The following NLRP9 variants were observed in gnomAD, a reference collection of about 807,000 sequenced individuals.
NLRP9 encodes the protein NACHT, LRR and PYD domains-containing protein 9.
NLRP9 carries 88 observed loss-of-function variants against 83.1 expected under a neutral mutation model. The observed-to-expected ratio is 1.06, with a 90% confidence interval of 0.89 to 1.26. The LOEUF is 1.26. NLRP9 is among the 50% of genes most tolerant of loss of function. The pLI is 0.00. For missense variants in NLRP9, 1,308 were observed against 1,179.3 expected (o/e 1.11, Z -1.60); for synonymous variants, 521 against 447.6 (o/e 1.16, Z -2.07).
At chr19:55,718,528 A>G (rs767712410) in intron 4 of NLRP9, among the ~76,000 whole-genome samples, 1 of 152,220 alleles carries the variant, frequency 6.6e-6, no homozygotes, top group Non-Finnish European at 1.5e-5. Flanking sequence ...TCTTTGCTAC[A>G]CTGAGATGTT....
chr19:55,727,186 AG>A (rs1988428199), intron 3 of NLRP9, among the ~76,000 whole-genome samples: 1 of 152,174 alleles, frequency 6.6e-6, no homozygotes, highest in African/African-American at 2.4e-5. Flanking sequence ...TGGGAGGCGG[AG>A]GTTGCAGTGA....
chr19:55,738,270 C>T lies in NLRP9; in HGVS notation c.105G>A (p.Glu35=), dbSNP rs751741299. Residue 35 remains glutamate, a synonymous_variant, in exon 1 of 9, where the codon GAG becomes GAA. Transcript: ENST00000332836. ...KFKELLKQPL[E]KFELKPIPWA... is the part of the protein sequence containing the mutation. ...AGGGGATTGGCTTGAGTTCAAATTTCTCCAAAGGTTGTTTGAGGAGCTCCT... is the reference window on the plus strand; with the variant it reads ...AGGGGATTGGCTTGAGTTCAAATTTTTCCAAAGGTTGTTTGAGGAGCTCCT... 2 of 1,614,000 alleles carry T rather than the reference C, an allele frequency of 1.2e-6. No individual in the cohort carries two copies. The highest frequency in any genetic ancestry group is 2.7e-5 in the African/African-American group (2 of 74,890).
chr19:55,729,588 G>T (rs1249649247), intron 3 of NLRP9, among the ~76,000 whole-genome samples: 2 of 151,984 alleles, frequency 1.3e-5, no homozygotes, highest in Non-Finnish European at 2.9e-5. Context: ...TGGCTGCATA[G>T]TATTCCATGG....
In NLRP9 at chr19:55,733,025, G is replaced by C; in HGVS notation, c.806C>G (p.Ser269Cys). 6.2e-7 allele frequency: 1 copy of C among 1,613,642 alleles called. No homozygotes were observed. The highest frequency in any genetic ancestry group is 8.5e-7 in the Non-Finnish European group (1 of 1,179,924). The change falls in exon 2 of 9, where the codon TCC becomes TGC. Residue 269 changes from serine (S) to cysteine (C), a missense_variant. By Grantham distance (112) the Ser-to-Cys change is moderately radical. Coordinates refer to ENST00000332836, the MANE Select transcript of NLRP9 (RefSeq NM_176820.4). ...TTTTCCTAATGCAATAAGGAGAGAGGATTCTGGAAGCATCTTTTTTTGCAA... is the reference window on the plus strand; with the variant it reads ...TTTTCCTAATGCAATAAGGAGAGAGCATTCTGGAAGCATCTTTTTTTGCAA... ...SLLQKKMLPESSLLIALGKLA... is the reference protein window; with the variant it reads ...SLLQKKMLPECSLLIALGKLA...
chr19:55,714,522 C>T (rs1987931515), intron 6 of NLRP9, among the ~76,000 whole-genome samples: 1 of 152,062 alleles, frequency 6.6e-6, no homozygotes, highest in South Asian at 2.1e-4. Context: ...CTGCTGTGTC[C>T]TTACAACTCC....
rs199476231 is a variant in NLRP9 at position 55,711,772 on chromosome 19, C to T, written c.2843+28G>A. The stretch of plus-strand genomic sequence containing the variant: ...GAACTAAGCTCGTTCTGAAGTCACT[C>T]ACCCCAAAGGAAACAGTGTCCACTC... On this transcript the variant is annotated intron_variant, in intron 8 of 8. Coordinates refer to ENST00000332836, the MANE Select transcript of NLRP9 (RefSeq NM_176820.4). 18 of 1,605,308 alleles carry T rather than the reference C, an allele frequency of 1.1e-5. No individual in the cohort carries two copies. In the African/African-American group the frequency reaches 2.4e-4, roughly 21 times the overall value.
At position 55,715,184 on chromosome 19, in the gene NLRP9, A is replaced by G; in HGVS notation, c.2372T>C (p.Ile791Thr). 1 of 1,613,456 alleles carries G rather than the reference A, an allele frequency of 6.2e-7. No homozygotes were observed. The highest frequency in any genetic ancestry group is 8.5e-7 in the Non-Finnish European group (1 of 1,179,888). The change falls in exon 6 of 9, where the codon ATT becomes ACT. Residue 791 changes from isoleucine (I) to threonine (T), a missense_variant. Coordinates refer to ENST00000332836, the MANE Select transcript of NLRP9 (RefSeq NM_176820.4). ...CTTACTGCACAAGAGGACTTCGGAA[A>G]TGGAGTCACAGGAGACAGAGGTGAG... ...CCLTSVSCDS[I>T]SEVLLCSKSL...
chr19:55,710,092 T>A lies in NLRP9; in HGVS notation c.2844-1048A>T, dbSNP rs151017994. Among the ~76,000 whole-genome samples the A allele has an allele frequency of 9.3e-3, 1,421 of 152,290 alleles. 15 individuals are homozygous for A. Among genetic ancestry groups the A allele is most frequent in the Non-Finnish European group, 0.01 (700 of 68,022 alleles). ...AATCTTCAGAGGTAGGGAAGATGGC[T>A]AAGTTTCCTTTCAGCTACAGCGACA... is the stretch of plus-strand genomic sequence containing the variant. On this transcript the variant is annotated intron_variant, in intron 8 of 8. Coordinates refer to ENST00000332836, the MANE Select transcript of NLRP9 (RefSeq NM_176820.4).
intron 4 of NLRP9, among the ~76,000 whole-genome samples, chr19:55,719,779 G>A (rs1030773755): frequency 3.0e-4 from 45 of 152,152 alleles, no homozygotes; most frequent in African/African-American, 1.0e-3. Flanking sequence ...CTGTGCAAAT[G>A]TTCATCCACA....
intron 8 of NLRP9, among the ~76,000 whole-genome samples, chr19:55,710,912 C>T (rs1987684959): frequency 1.3e-5 from 2 of 151,976 alleles, no homozygotes; most frequent in African/African-American, 4.8e-5. Flanking sequence ...ATGGTGAAAC[C>T]CCGTCTCTAC....
chr19:55,725,385 C>T (rs1309161361), intron 3 of NLRP9, among the ~76,000 whole-genome samples: 1 of 152,178 alleles, frequency 6.6e-6, no homozygotes, highest in Admixed American at 6.5e-5. Context: ...CCTGGCGTTA[C>T]AGCAGATGAG....
intron 3 of NLRP9, among the ~76,000 whole-genome samples, chr19:55,728,194 G>A (rs898965422): frequency 5.3e-5 from 8 of 152,192 alleles, no homozygotes; most frequent in African/African-American, 1.7e-4. Flanking sequence ...CAGACATTCA[G>A]TATAAACCAC....
intron 8 of NLRP9, 80 bp downstream of exon 8, chr19:55,711,720 C>T (rs994475731): frequency 2.2e-6 from 3 of 1,383,880 alleles, no homozygotes; most frequent in African/African-American, 1.4e-5. Flanking sequence ...TGGCATCCAT[C>T]ATGTCGCGGT....
intron 6 of NLRP9, 100 bp from the exon 7 acceptor site, chr19:55,712,690 T>C (rs1370480987): frequency 1.3e-5 from 13 of 1,002,440 alleles, no homozygotes; most frequent in African/African-American, 3.7e-5. Context: ...AATACCCAAG[T>C]AAATCTGAGA....
intron 4 of NLRP9, among the ~76,000 whole-genome samples, chr19:55,718,955 TATTAA>T (rs1463054662): frequency 2.6e-5 from 4 of 152,216 alleles, no homozygotes; most frequent in East Asian, 3.8e-4. Flanking sequence ...TCAGATCATT[TATTAA>T]ATTGAGAGTC....
chr19:55,735,118 G>A (rs1048134382), intron 1 of NLRP9, among the ~76,000 whole-genome samples: 5 of 152,154 alleles, frequency 3.3e-5, no homozygotes, highest in Admixed American at 6.5e-5. Context: ...AGGCAGGGAC[G>A]GTTCCACCGA....
intron 1 of NLRP9, among the ~76,000 whole-genome samples, chr19:55,734,618 CACAT>C (rs1337836801): frequency 0.017 from 1,608 of 95,056 alleles, 29 homozygotes; most frequent in African/African-American, 0.06. Context: ...CACACACACA[CACAT>C]ATATATATAT....
At chr19:55,714,461 C>G (rs940243776) in intron 6 of NLRP9, among the ~76,000 whole-genome samples, 1 of 152,142 alleles carries the variant, frequency 6.6e-6, no homozygotes, top group African/African-American at 2.4e-5. Context: ...CAGGGCCACT[C>G]GGGACTCCAT....
intron 6 of NLRP9, among the ~76,000 whole-genome samples, chr19:55,713,523 T>C (rs1987856000): frequency 1.3e-5 from 2 of 149,112 alleles, no homozygotes; most frequent in South Asian, 2.1e-4. Flanking sequence ...TGGTAGTGTC[T>C]GGAGACATTT....
Sources: gnomAD v4.1 joint callset for allele counts (sites outside exome capture counted in the v4.1 genomes callset) on GRCh38, gnomAD v4.1.1 for gene constraint, MANE v1.5 for transcripts, NCBI Gene and HGNC (gene_info 2026-07-23, HGNC 2026-07-21) for gene names.